The following CNTN5 variants were observed in gnomAD, a reference collection of about 807,000 sequenced individuals.
CNTN5 encodes the protein contactin 5.
In CNTN5, 77 loss-of-function variants were observed where a neutral mutation model predicts 129.1. The ratio of observed to expected loss-of-function variants is 0.60; its 90% CI spans 0.50 to 0.72. The LOEUF (loss-of-function observed/expected upper bound fraction) is 0.72. CNTN5 is among the 30% of genes least tolerant of loss of function. The probability of loss-of-function intolerance (pLI) is 0.00; values close to 1 mark genes in which losing one functional copy is unlikely to be tolerated. For synonymous variants in CNTN5, 509 were observed against 465.6 expected (o/e 1.09, Z -1.20); for missense variants, 1,478 against 1,328.8 (o/e 1.11, Z -1.75).
chr11:99,278,791 A>G (rs941286724), intron 1 of CNTN5, among the ~76,000 whole-genome samples: 1 of 151,732 alleles, frequency 6.6e-6, no homozygotes. Flanking sequence ...GTATAATTTT[A>G]TGTAGTAATC....
chr11:99,058,472 A>T (rs117446183), intron 1 of CNTN5, among the ~76,000 whole-genome samples: 10,812 of 151,996 alleles, frequency 0.071, 523 homozygotes, highest in Non-Finnish European at 0.1. Flanking sequence ...ATATATATAT[A>T]TTTTCTCACA....
intron 1 of CNTN5, among the ~76,000 whole-genome samples, chr11:99,037,814 A>G (rs1487091497): frequency 6.6e-6 from 1 of 151,538 alleles, no homozygotes; most frequent in African/African-American, 2.4e-5. Flanking sequence ...TCCTGACCTC[A>G]TGATCCAAAA....
rs147679620 is a variant in CNTN5, at chr11:100,291,940, A to G, written c.2315-5685A>G. On this transcript the variant is annotated intron_variant, in intron 18 of 24. Coordinates refer to ENST00000524871, the MANE Select transcript of CNTN5 (RefSeq NM_014361.4). ...TCTTCTCCCGCCATTGCTCTCCACT[A>G]TGCTCAATGTGATCCCAAACCTCAG... 3.9e-3 allele frequency among the ~76,000 whole-genome samples: 597 copies of G among 152,078 alleles called. 2 individuals carry two copies. The highest frequency in any genetic ancestry group is 6.2e-3 in the Non-Finnish European group (422 of 67,930).
intron 2 of CNTN5, among the ~76,000 whole-genome samples, chr11:99,532,057 G>T (rs1947729827): frequency 1.3e-5 from 2 of 151,960 alleles, no homozygotes; most frequent in Admixed American, 6.6e-5. Flanking sequence ...TGCCCCGTGT[G>T]CCTGGAAAAG....
intron 2 of CNTN5, among the ~76,000 whole-genome samples, chr11:99,536,642 T>C (rs1947909892): frequency 1.3e-5 from 2 of 152,110 alleles, no homozygotes; most frequent in Non-Finnish European, 1.5e-5. Flanking sequence ...CAAGTGATGA[T>C]AACACTAATA....
intron 1 of CNTN5, among the ~76,000 whole-genome samples, chr11:99,105,162 T>C (rs977260983): frequency 6.6e-6 from 1 of 152,160 alleles, no homozygotes; most frequent in Non-Finnish European, 1.5e-5. Flanking sequence ...GTGAGTGTAG[T>C]TGTCAGCAAA....
At chr11:100,258,324 A>T (rs866412428) in intron 17 of CNTN5, among the ~76,000 whole-genome samples, 3 of 152,198 alleles carry the variant, frequency 2.0e-5, no homozygotes, top group Admixed American at 1.3e-4. Flanking sequence ...GGTGTACCTG[A>T]AAGTGACAGG....
intron 13 of CNTN5, among the ~76,000 whole-genome samples, chr11:100,188,377 C>T (rs896667764): frequency 2.0e-5 from 3 of 152,110 alleles, no homozygotes; most frequent in Non-Finnish European, 2.9e-5. Flanking sequence ...GTTGAGGCTG[C>T]AGCGAGCTGT....
Position 100,204,297 on chromosome 11 carries a change from A to AATATATAT in CNTN5, c.1884+10674_1884+10681dup, listed in dbSNP as rs10633078. Among the ~76,000 whole-genome samples the AATATATAT allele has an allele frequency of 9.7e-3, 170 of 17,590 alleles. 7 individuals carry two copies. Among genetic ancestry groups the AATATATAT allele is most frequent in the Non-Finnish European group, 0.014 (88 of 6,296 alleles). The allele number at this position is 17,590 out of a possible 152,430, so 11.5% of individuals were successfully genotyped here. ...GCTCACCAAGAAACAAACATTGACT[A>AATATATAT]ATATATATATATATATATATATATA... On this transcript the variant is annotated intron_variant, in intron 15 of 24. Coordinates refer to ENST00000524871, the MANE Select transcript of CNTN5 (RefSeq NM_014361.4).
intron 1 of CNTN5, among the ~76,000 whole-genome samples, chr11:99,207,368 C>A (rs1565403124): frequency 6.6e-6 from 1 of 152,058 alleles, no homozygotes; most frequent in Admixed American, 6.6e-5. Context: ...AGTCAGGTAC[C>A]ACAGTCTCAA....
At chr11:99,452,987 A>G (rs1910708) in intron 2 of CNTN5, among the ~76,000 whole-genome samples, 78,322 of 152,084 alleles carry the variant, frequency 0.51, 20,626 homozygotes, top group East Asian at 0.65. Flanking sequence ...GCCAATGTAA[A>G]AAAGCTAAGA....
intron 3 of CNTN5, among the ~76,000 whole-genome samples, chr11:99,748,178 T>C (rs775507108): frequency 2.6e-5 from 4 of 152,192 alleles, no homozygotes; most frequent in Non-Finnish European, 2.9e-5. Flanking sequence ...GCTTCTCTTG[T>C]ATTCTTATCT....
At chr11:99,439,987 A>G (rs1173720321) in intron 2 of CNTN5, among the ~76,000 whole-genome samples, 2 of 152,126 alleles carry the variant, frequency 1.3e-5, no homozygotes, top group African/African-American at 2.4e-5. Context: ...AATAAATCAG[A>G]AAAAATGGTA....
chr11:99,095,314 T>G lies in CNTN5; in HGVS notation c.-210+74044T>G, dbSNP rs189258570. ...TTACCTCTACTCCTCCCCCAAGAAA[T>G]GTATTTCAATTTTACTATTCTTGCC... On this transcript the variant is annotated intron_variant, in intron 1 of 24. Coordinates refer to ENST00000524871, the MANE Select transcript of CNTN5 (RefSeq NM_014361.4). 3.9e-5 allele frequency among the ~76,000 whole-genome samples: 6 copies of G among 152,032 alleles called. No individual in the cohort carries two copies. The East Asian group carries it at 9.7e-4, about 25-fold the overall frequency.
intron 8 of CNTN5, among the ~76,000 whole-genome samples, chr11:99,963,973 G>A (rs1951022193): frequency 6.6e-6 from 1 of 152,102 alleles, no homozygotes; most frequent in Admixed American, 6.5e-5. Flanking sequence ...TGTTATTGGT[G>A]TATAAGAATG....
intron 2 of CNTN5, among the ~76,000 whole-genome samples, chr11:99,539,130 T>C (rs1948006138): frequency 6.6e-6 from 1 of 152,092 alleles, no homozygotes; most frequent in Non-Finnish European, 1.5e-5. Context: ...ATACCAGATT[T>C]AGTCTAAATG....
At chr11:99,211,466 TTG>T (rs1648324610) in intron 1 of CNTN5, among the ~76,000 whole-genome samples, 1 of 152,148 alleles carries the variant, frequency 6.6e-6, no homozygotes, top group East Asian at 1.9e-4. Flanking sequence ...GTGACATATT[TTG>T]TGATATGACC....
At chr11:100,048,114 G>C (rs1039988689) in intron 9 of CNTN5, among the ~76,000 whole-genome samples, 45 of 152,108 alleles carry the variant, frequency 3.0e-4, no homozygotes, top group African/African-American at 1.0e-3. Context: ...CTGGGTGACA[G>C]AGCGAGACTC....
At chr11:99,739,410 G>A (rs925291190) in intron 3 of CNTN5, among the ~76,000 whole-genome samples, 1 of 151,822 alleles carries the variant, frequency 6.6e-6, no homozygotes, top group African/African-American at 2.4e-5. Flanking sequence ...CTTCAAGACA[G>A]ATTGTATTTT....
Sources: allele counts gnomAD v4.1 joint callset (sites outside exome capture counted in the v4.1 genomes callset), GRCh38; gene constraint gnomAD v4.1.1; transcripts MANE v1.5; gene names NCBI Gene and HGNC (gene_info 2026-07-23, HGNC 2026-07-21).